Variants in CACNA2D3 observed in about 807,000 individuals in gnomAD.
CACNA2D3 encodes the protein calcium voltage-gated channel auxiliary subunit alpha2delta 3, also known as voltage-dependent calcium channel subunit alpha-2/delta-3.
A neutral mutation model predicts 160.6 loss-of-function variants in CACNA2D3; 60 were observed. That is an observed-to-expected ratio of 0.37 (90% CI 0.30 to 0.46). CACNA2D3 has a LOEUF of 0.46. Among genes scored for constraint, CACNA2D3 ranks in the 20% least tolerant of loss-of-function variants. The pLI, the probability that CACNA2D3 is intolerant of heterozygous loss-of-function variation, is 1.00. For missense variants in CACNA2D3, 1,205 were observed against 1,365.0 expected (o/e 0.88, Z 1.85); for synonymous variants, 558 against 492.9 (o/e 1.13, Z -1.75).
chr3:54,691,086 A>G (rs1317305044), intron 11 of CACNA2D3, among the ~76,000 whole-genome samples: 1 of 151,936 alleles, frequency 6.6e-6, no homozygotes, highest in Admixed American at 6.6e-5. Flanking sequence ...TTAGCTGTCT[A>G]CTCTAATGGG....
intron 3 of CACNA2D3, among the ~76,000 whole-genome samples, chr3:54,358,009 A>G (rs1393567025): frequency 6.6e-6 from 1 of 152,258 alleles, no homozygotes; most frequent in African/African-American, 2.4e-5. Flanking sequence ...CAAAACCCAC[A>G]GGAAGTACAA....
chr3:54,585,866 T>C (rs1702751102), intron 9 of CACNA2D3, among the ~76,000 whole-genome samples: 1 of 152,056 alleles, frequency 6.6e-6, no homozygotes, highest in Non-Finnish European at 1.5e-5. Flanking sequence ...CACCTGAAAT[T>C]TAAGTGTTCT....
intron 2 of CACNA2D3, among the ~76,000 whole-genome samples, chr3:54,236,049 C>T (rs1337368364): frequency 6.6e-6 from 1 of 152,158 alleles, no homozygotes; most frequent in Non-Finnish European, 1.5e-5. Context: ...GGTCTTCCTC[C>T]CCAAAACCTG....
At chr3:54,373,113 G>A (rs747986603) in intron 3 of CACNA2D3, among the ~76,000 whole-genome samples, 8 of 152,166 alleles carry the variant, frequency 5.3e-5, no homozygotes, top group Non-Finnish European at 1.0e-4. Flanking sequence ...CTTGGCCTCA[G>A]GATTTTATTT....
At chr3:54,993,032 CAA>C (rs1052589713) in intron 31 of CACNA2D3, among the ~76,000 whole-genome samples, 6 of 152,168 alleles carry the variant, frequency 3.9e-5, no homozygotes, top group African/African-American at 1.4e-4. Flanking sequence ...CTCACTATCA[CAA>C]GAGCAGTACC....
chr3:54,877,600 C>T (rs1699692447), intron 18 of CACNA2D3, among the ~76,000 whole-genome samples: 1 of 152,154 alleles, frequency 6.6e-6, no homozygotes, highest in Non-Finnish European at 1.5e-5. Flanking sequence ...CAGTGCCATC[C>T]TGCTTCACTA....
intron 27 of CACNA2D3, among the ~76,000 whole-genome samples, chr3:54,906,375 A>G (rs992400963): frequency 6.6e-6 from 1 of 152,120 alleles, no homozygotes; most frequent in South Asian, 2.1e-4. Context: ...GCACATGGGT[A>G]TGTGGTGGGG....
At chr3:54,744,506 G>C (rs1701713246) in intron 11 of CACNA2D3, among the ~76,000 whole-genome samples, 1 of 152,144 alleles carries the variant, frequency 6.6e-6, no homozygotes, top group Non-Finnish European at 1.5e-5. Context: ...GTTCTCAGTG[G>C]ATCCTTTGAC....
chr3:54,796,945 G>A (rs573289719), intron 13 of CACNA2D3, among the ~76,000 whole-genome samples: 3 of 152,288 alleles, frequency 2.0e-5, no homozygotes, highest in Admixed American at 1.3e-4. Flanking sequence ...AAGAGCAACA[G>A]GGAACCCATT....
chr3:54,411,417 A>T (rs1359417512), intron 4 of CACNA2D3, among the ~76,000 whole-genome samples: 1 of 152,136 alleles, frequency 6.6e-6, no homozygotes, highest in Non-Finnish European at 1.5e-5. Context: ...TGCCACAGTC[A>T]CTCCAACCTT....
At chr3:54,822,816 TTTCTTTCTTTCTTTCTTTTC>T (rs1703662111) in intron 14 of CACNA2D3, among the ~76,000 whole-genome samples, 1 of 121,312 alleles carries the variant, frequency 8.2e-6, no homozygotes, top group Admixed American at 8.5e-5. Context: ...TCTTTCTTTC[TTTCTTTCTTTCTTTCTTTTC>T]TTTCTTTCTT....
At chr3:55,065,625 C>T (rs1033707668) in intron 35 of CACNA2D3, among the ~76,000 whole-genome samples, 1 of 151,162 alleles carries the variant, frequency 6.6e-6, no homozygotes, top group African/African-American at 2.4e-5. Flanking sequence ...TACGATTGCA[C>T]CACTGCACTC....
rs139874917 is a variant in CACNA2D3, at chr3:54,894,714, C to T, written c.2247-2035C>T. 6.0e-4 allele frequency: 284 copies of T among 475,276 alleles called. 1 individual carries two copies. Among genetic ancestry groups the T allele is most frequent in the African/African-American group, 5.2e-3 (264 of 50,962 alleles). 29.4% of individuals were successfully genotyped at this position (475,276 alleles called of 1,614,324 possible). A position where few individuals can be genotyped will look rare whatever the true frequency, so the allele number is the denominator to read the frequency against. On this transcript the variant is annotated intron_variant, in intron 25 of 37. Transcript: ENST00000474759. ...GCCATGGGCCAGGCAACAGAGGCTCCTCCTCACACCGTCCAGGTCAGGTTT... is the reference window on the plus strand; with the variant it reads ...GCCATGGGCCAGGCAACAGAGGCTCTTCCTCACACCGTCCAGGTCAGGTTT...
In CACNA2D3 at chr3:54,642,868, C is replaced by G. The variant is rs147690694; in HGVS notation, c.1167+627C>G. Among the ~76,000 whole-genome samples the G allele has an allele frequency of 2.5e-4, 38 of 152,264 alleles. 1 individual carries two copies. Among genetic ancestry groups the G allele is most frequent in the African/African-American group, 8.9e-4 (37 of 41,554 alleles). ...GAGGTTTCTCAAGCTGTTATCTTGC[C>G]TGAGTTCCCTGGGGAGATCTTTAAA... On this transcript the variant is annotated intron_variant, in intron 11 of 37. Coordinates refer to ENST00000474759, the MANE Select transcript of CACNA2D3 (RefSeq NM_018398.3).
intron 11 of CACNA2D3, among the ~76,000 whole-genome samples, chr3:54,738,872 C>A (rs1701583626): frequency 6.6e-6 from 1 of 152,164 alleles, no homozygotes; most frequent in Non-Finnish European, 1.5e-5. Flanking sequence ...AGACTTGGGG[C>A]TGGGCATGGT....
At chr3:54,207,911 G>A (rs1368023339) in intron 2 of CACNA2D3, among the ~76,000 whole-genome samples, 1 of 152,178 alleles carries the variant, frequency 6.6e-6, no homozygotes, top group Non-Finnish European at 1.5e-5. Context: ...GTGATCTACA[G>A]CCCAGCTGGC....
intron 2 of CACNA2D3, among the ~76,000 whole-genome samples, chr3:54,196,799 T>G (rs1458142566): frequency 6.6e-6 from 1 of 152,240 alleles, no homozygotes; most frequent in Admixed American, 6.5e-5. Flanking sequence ...CATTGGAATT[T>G]ACTGAATTCC....
chr3:54,291,687 G>T (rs35695541), intron 2 of CACNA2D3, among the ~76,000 whole-genome samples: 3 of 152,166 alleles, frequency 2.0e-5, no homozygotes, highest in Admixed American at 1.3e-4. Context: ...ATAAGATTTA[G>T]TGGTAGGCTT....
At chr3:54,145,088 C>G (rs1274003720) in intron 2 of CACNA2D3, among the ~76,000 whole-genome samples, 1 of 152,188 alleles carries the variant, frequency 6.6e-6, no homozygotes, top group Non-Finnish European at 1.5e-5. Context: ...CCCTAGAAGA[C>G]TGGCATTAAA....
Sources: gnomAD v4.1 joint callset for allele counts (sites outside exome capture counted in the v4.1 genomes callset) on GRCh38, gnomAD v4.1.1 for gene constraint, MANE v1.5 for transcripts, NCBI Gene and HGNC (gene_info 2026-07-23, HGNC 2026-07-21) for gene names.